Variants in CADM2 observed in about 807,000 individuals in gnomAD.
The protein encoded by CADM2 is immunoglobulin superfamily member 4D.
Under a neutral mutation model 49.8 loss-of-function variants are expected in CADM2, and 12 were observed. The observed-to-expected ratio is 0.24, with a 90% CI of 0.15 to 0.39. CADM2 has a LOEUF of 0.39. Among genes scored for constraint, CADM2 ranks in the 10% least tolerant of loss-of-function variants. CADM2 has a pLI of 1.00. For missense variants in CADM2, 378 were observed against 492.3 expected, an observed-to-expected ratio of 0.77 and a Z score of 2.20; for synonymous variants, 214 against 175.4, an observed-to-expected ratio of 1.22 and a Z score of -1.74.
chr3:85,577,140 G>T (rs984667653), intron 1 of CADM2, among the ~76,000 whole-genome samples: 2 of 152,056 alleles, frequency 1.3e-5, no homozygotes, highest in South Asian at 2.1e-4. Context: ...CTTACAAAGG[G>T]TTTTCCAGTT....
At chr3:85,404,885 T>C (rs564967127) in intron 1 of CADM2, among the ~76,000 whole-genome samples, 1 of 152,256 alleles carries the variant, frequency 6.6e-6, no homozygotes, top group East Asian at 1.9e-4. Flanking sequence ...GGAAAATTGA[T>C]TTGACCAAAA....
Position 85,345,311 on chromosome 3 carries a change from C to G in CADM2, c.62-381211C>G, listed in dbSNP as rs537990794. On this transcript the variant is annotated intron_variant, in intron 1 of 9. Transcript: ENST00000383699. ...CCTGGGTGACAGAGTGAGTCTCCAT[C>G]TCAAAAAAAAAAAAAAAAAAAAAGA... is the stretch of plus-strand genomic sequence containing the variant. Among the ~76,000 whole-genome samples, 22 of 3,758 alleles carry G rather than the reference C, an allele frequency of 5.9e-3. No homozygotes were observed. The Admixed American group carries it at 0.1, about 18-fold the overall frequency. The allele number at this position is 3,758 out of a possible 152,430, so 2.5% of individuals were successfully genotyped here. A position where few individuals can be genotyped will look rare whatever the true frequency, so the allele number is the denominator to read the frequency against.
intron 8 of CADM2, among the ~76,000 whole-genome samples, chr3:86,028,212 A>C (rs1734134445): frequency 6.6e-6 from 1 of 150,992 alleles, no homozygotes; most frequent in Non-Finnish European, 1.5e-5. Context: ...AAATAAATAA[A>C]AAAAAGAAGT....
At chr3:85,511,986 G>A (rs2040638841) in intron 1 of CADM2, 1 of 625,658 alleles carries the variant, frequency 1.6e-6, no homozygotes, top group Admixed American at 6.3e-5. Context: ...ATGTTTTAAA[G>A]CCAATGTTCT....
At chr3:85,487,749 T>C (rs150865830) in intron 1 of CADM2, among the ~76,000 whole-genome samples, 3,211 of 151,366 alleles carry the variant, frequency 0.021, 54 homozygotes, top group Middle Eastern at 0.054. Context: ...CGTGTGTGCG[T>C]GTGTGTGCGT....
At chr3:85,856,769 A>G (rs995857041) in intron 3 of CADM2, among the ~76,000 whole-genome samples, 4 of 152,230 alleles carry the variant, frequency 2.6e-5, no homozygotes, top group Non-Finnish European at 4.4e-5. Flanking sequence ...GCTTGTCTAT[A>G]TAAGTATAGT....
intron 1 of CADM2, among the ~76,000 whole-genome samples, chr3:84,976,148 T>A (rs975234805): frequency 6.6e-6 from 1 of 151,802 alleles, no homozygotes; most frequent in Non-Finnish European, 1.5e-5. Flanking sequence ...ACTTTCTAGC[T>A]TTTAGTTACT....
In CADM2 at chr3:86,069,518, T is replaced by C. The variant is rs1024351399; in HGVS notation, c.*2735T>C. 2.0e-5 allele frequency: 3 copies of C among 151,988 alleles called. No individual in the cohort carries two copies. Among genetic ancestry groups the C allele is most frequent in the African/African-American group, 7.2e-5 (3 of 41,414 alleles). The allele number at this position is 151,988 out of a possible 1,614,324, so 9.4% of individuals were successfully genotyped here. On this transcript the variant is annotated 3_prime_UTR_variant, in exon 10 of 10. Coordinates refer to ENST00000383699, the MANE Select transcript of CADM2 (RefSeq NM_001167675.2). The stretch of plus-strand genomic sequence containing the variant: ...ATTTAATTTTCAACCAAACAAAAAA[T>C]AAATTGTAAAAATTATGCTCATTTC...
intron 1 of CADM2, among the ~76,000 whole-genome samples, chr3:85,117,228 G>GAA (rs767054251): frequency 5.1e-5 from 7 of 136,214 alleles, no homozygotes; most frequent in Non-Finnish European, 1.1e-4. Context: ...CTCAAAAAAA[G>GAA]AAAAAAAAGA....
intron 1 of CADM2, among the ~76,000 whole-genome samples, chr3:84,982,732 T>C (rs2032271029): frequency 7.2e-6 from 1 of 138,792 alleles, no homozygotes; most frequent in East Asian, 2.0e-4. Context: ...TATATATATA[T>C]ATACATTTTT....
At chr3:85,825,915 T>G (rs2108207846) in intron 3 of CADM2, among the ~76,000 whole-genome samples, 1 of 152,180 alleles carries the variant, frequency 6.6e-6, no homozygotes, top group Non-Finnish European at 1.5e-5. Flanking sequence ...GTTAATGCTT[T>G]AATCCTTTTT....
chr3:86,038,031 C>T (rs1735390181), intron 8 of CADM2, among the ~76,000 whole-genome samples: 1 of 152,132 alleles, frequency 6.6e-6, no homozygotes, highest in African/African-American at 2.4e-5. Flanking sequence ...GTTCCTCTCC[C>T]TGTGCCTATG....
At chr3:85,830,038 G>C (rs569539326) in intron 3 of CADM2, among the ~76,000 whole-genome samples, 2 of 152,066 alleles carry the variant, frequency 1.3e-5, no homozygotes, top group East Asian at 3.9e-4. Flanking sequence ...CCAAAAGTAA[G>C]ATTGCTGACC....
chr3:85,264,503 A>C (rs141909467), intron 1 of CADM2, among the ~76,000 whole-genome samples: 14 of 152,096 alleles, frequency 9.2e-5, no homozygotes, highest in Admixed American at 3.3e-4. Context: ...CTATTCTTTC[A>C]CTTGCCTAGT....
At chr3:85,393,207 C>T (rs2034606396) in intron 1 of CADM2, among the ~76,000 whole-genome samples, 1 of 151,854 alleles carries the variant, frequency 6.6e-6, no homozygotes, top group African/African-American at 2.4e-5. Context: ...TAGCTGTATA[C>T]AGTAAGTCAA....
chr3:84,988,689 A>T (rs189293086), intron 1 of CADM2, among the ~76,000 whole-genome samples: 1 of 152,116 alleles, frequency 6.6e-6, no homozygotes, highest in Admixed American at 6.5e-5. Flanking sequence ...CTTATGTTTA[A>T]TTGAATTAGT....
chr3:85,139,492 G>T (rs972173323), intron 1 of CADM2, among the ~76,000 whole-genome samples: 4 of 151,818 alleles, frequency 2.6e-5, no homozygotes, highest in Non-Finnish European at 5.9e-5. Context: ...ATTTCAGAGA[G>T]TTTGTATTTT....
intron 1 of CADM2, among the ~76,000 whole-genome samples, chr3:85,251,451 CAATT>C (rs1559743415): frequency 1.3e-5 from 2 of 151,778 alleles, no homozygotes. Flanking sequence ...AAAGAGATTT[CAATT>C]AATTATTTCA....
In CADM2 at chr3:84,959,483, G is replaced by A. The variant is rs1001780573; in HGVS notation, c.-125G>A. 22 of 901,830 alleles carry A rather than the reference G, an allele frequency of 2.4e-5. No homozygotes were observed. Among genetic ancestry groups the A allele is most frequent in the Non-Finnish European group, 3.4e-5 (20 of 589,584 alleles). 55.9% of individuals were successfully genotyped at this position (901,830 alleles called of 1,614,324 possible). On this transcript the variant is annotated 5_prime_UTR_variant, in exon 1 of 10. Coordinates refer to ENST00000383699, the MANE Select transcript of CADM2 (RefSeq NM_001167675.2). ...AGTCCGCGGGTTCGAACACCGCAGC[G>A]GTGGGGACGGTGGGTCCGGCGGGCG...
Sources: allele counts gnomAD v4.1 joint callset (sites outside exome capture counted in the v4.1 genomes callset), GRCh38; gene constraint gnomAD v4.1.1; transcripts MANE v1.5; gene names NCBI Gene and HGNC (gene_info 2026-07-23, HGNC 2026-07-21).